ICAM1: variants seen among roughly 807,000 people sequenced by gnomAD.
ICAM1 encodes the protein ICAM-1.
In ICAM1, 28 loss-of-function variants were observed where a neutral mutation model predicts 42.3. That is an observed-to-expected ratio of 0.66 (90% confidence interval 0.49 to 0.91). The LOEUF (loss-of-function observed/expected upper bound fraction) is 0.91, where lower values mean the gene tolerates loss of function less well. Among genes scored for constraint, ICAM1 ranks in the 40% least tolerant of loss-of-function variants. The pLI is 0.00. For synonymous variants in ICAM1, 304 were observed against 305.9 expected, an observed-to-expected ratio of 0.99 and a Z score of 0.07; for missense variants, 637 against 688.6, an observed-to-expected ratio of 0.93 and a Z score of 0.84.
intron 2 of ICAM1, 123 bp from the exon 3 acceptor site, chr19:10,283,358 A>T (rs1404655030): frequency 3.4e-6 from 3 of 890,850 alleles, no homozygotes; most frequent in Non-Finnish European, 5.1e-6. Flanking sequence ...CTATCTGCTT[A>T]GGTGTCTGGG....
In ICAM1 at chr19:10,284,456, G is replaced by T; in HGVS notation, c.979G>T (p.Glu327Ter). Residue 327 changes from glutamate to a stop codon, truncating the protein, a stop_gained, in exon 5 of 7, where the codon GAG (glutamate) becomes TAG (stop). Transcript: ENST00000264832. LOFTEE classifies it high-confidence loss of function. The surrounding 1 kb of genome is among the most constrained non-coding windows in gnomAD (Gnocchi z 5.4). ...GAAGCCAGAGGTCTCAGAAGGGACC[G>T]AGGTGACAGTGAAGTGTGAGGCCCA... The part of the protein sequence containing the change: ...LTKPEVSEGT[E>*]VTVKCEAHPR... The T allele has an allele frequency of 6.2e-7, 1 of 1,613,964 alleles. No homozygotes were observed. Among genetic ancestry groups the T allele is most frequent in the Non-Finnish European group, 8.5e-7 (1 of 1,180,018 alleles).
intron 2 of ICAM1, among the ~76,000 whole-genome samples, chr19:10,279,430 T>G (rs751923704): frequency 3.3e-5 from 5 of 152,128 alleles, no homozygotes; most frequent in South Asian, 2.1e-4. Flanking sequence ...TATTCTCAAC[T>G]ACTCTGGAGG....
intron 2 of ICAM1, among the ~76,000 whole-genome samples, chr19:10,275,931 A>T (rs1285663465): frequency 6.6e-6 from 1 of 151,122 alleles, no homozygotes; most frequent in Non-Finnish European, 1.5e-5. Flanking sequence ...GATGGTCTCA[A>T]TCTCCTGACC....
intron 2 of ICAM1, among the ~76,000 whole-genome samples, chr19:10,278,287 A>G (rs1262274623): frequency 6.6e-6 from 1 of 152,150 alleles, no homozygotes; most frequent in Non-Finnish European, 1.5e-5. Context: ...TGACTTCTGC[A>G]TTTACTTTGC....
intron 2 of ICAM1, among the ~76,000 whole-genome samples, chr19:10,280,868 CTTTTTTTT>C (rs869262659): frequency 4.3e-5 from 3 of 70,094 alleles, no homozygotes; most frequent in African/African-American, 6.0e-5. Context: ...CGTGCCCGGC[CTTTTTTTT>C]TTTTTTTTTT....
Position 10,271,612 on chromosome 19 carries a change from A to G in ICAM1, c.67+386A>G, listed in dbSNP as rs563183255. Among the ~76,000 whole-genome samples, 9 of 152,208 alleles carry G rather than the reference A, an allele frequency of 5.9e-5. No individual in the cohort carries two copies. In the East Asian group the frequency reaches 1.2e-3, roughly 20 times the overall value. Reference sequence around the variant, plus strand: ...TCTCTTACAGTTTCTCAGCTGTAAAACGGGAAACGTTATAGCGGCCACCTG... The same window carrying G: ...TCTCTTACAGTTTCTCAGCTGTAAAGCGGGAAACGTTATAGCGGCCACCTG... On this transcript the variant is annotated intron_variant, in intron 1 of 6. Coordinates refer to ENST00000264832, the MANE Select transcript of ICAM1 (RefSeq NM_000201.3).
intron 2 of ICAM1, among the ~76,000 whole-genome samples, chr19:10,281,058 A>G (rs953884345): frequency 4.6e-5 from 7 of 151,514 alleles, no homozygotes; most frequent in Non-Finnish European, 8.8e-5. Flanking sequence ...TATTTTTAGT[A>G]GAGACGGGGT....
In ICAM1 at chr19:10,271,214, G is replaced by GCT; in HGVS notation, c.58_59dup (p.Phe21CysfsTer27). ...GCCCGCACTCCTGGTCCTGCTCGGG[G>GCT]CTCTGTTCCCAGGTGAGTCGGGGTG... On this transcript the variant is annotated frameshift_variant, in exon 1 of 7. Transcript: ENST00000264832. LOFTEE classifies it high-confidence loss of function. 1 of 1,613,268 alleles carries GCT rather than the reference G, an allele frequency of 6.2e-7. No homozygotes were observed. Among genetic ancestry groups the GCT allele is most frequent in the African/African-American group, 1.3e-5 (1 of 75,052 alleles).
chr19:10,285,181 T>C lies in ICAM1; in HGVS notation c.1493T>C (p.Leu498Pro). The C allele has an allele frequency of 6.2e-7, 1 of 1,614,154 alleles. No individual in the cohort carries two copies. Among genetic ancestry groups the C allele is most frequent in the South Asian group, 1.1e-5 (1 of 91,084 alleles). Reference protein sequence around the residue: ...AAAVIMGTAGLSTYLYNRQRK... With the variant: ...AAAVIMGTAGPSTYLYNRQRK... Reference sequence around the variant, plus strand: ...GCAGTCATAATGGGCACTGCAGGCCTCAGCACGTACCTCTATAACCGCCAG... The same window carrying C: ...GCAGTCATAATGGGCACTGCAGGCCCCAGCACGTACCTCTATAACCGCCAG... The change falls in exon 7 of 7, where the codon CTC becomes CCC. Residue 498 changes from leucine (L) to proline (P), a missense_variant. Leu to Pro is a moderately conservative substitution (Grantham distance 98). Transcript: ENST00000264832.
chr19:10,274,188 C>T (rs1209522056), intron 1 of ICAM1, among the ~76,000 whole-genome samples: 1 of 152,090 alleles, frequency 6.6e-6, no homozygotes, highest in East Asian at 1.9e-4. Flanking sequence ...CCAGCCCTTT[C>T]TCGTCATTTA....
At position 10,284,606 on chromosome 19, in the gene ICAM1, G is replaced by T. The variant is rs766445571; in HGVS notation, c.1129G>T (p.Val377Leu). The T allele has an allele frequency of 2.5e-6, 4 of 1,614,182 alleles. No individual in the cohort carries two copies. The highest frequency in any genetic ancestry group is 3.4e-6 in the Non-Finnish European group (4 of 1,180,038). ...RSFSCSATLE[V>L]AGQLIHKNQT... The stretch of plus-strand genomic sequence containing the variant: ...CTTCTCCTGCTCTGCAACCCTGGAG[G>T]TGGCCGGCCAGCTTATACACAAGAA... The change falls in exon 5 of 7, where the codon GTG (valine) becomes TTG (leucine). Residue 377 changes from valine (V) to leucine (L), a missense_variant. Val to Leu is a conservative substitution (Grantham distance 32). Transcript: ENST00000264832. The surrounding 1 kb of genome is among the most constrained non-coding windows in gnomAD (Gnocchi z 5.4).
At chr19:10,277,645 G>A (rs185286948) in intron 2 of ICAM1, among the ~76,000 whole-genome samples, 13 of 151,728 alleles carry the variant, frequency 8.6e-5, no homozygotes, top group Admixed American at 7.2e-4. Context: ...CCAGCACCAC[G>A]CCCGGCTAAT....
Position 10,284,742 on chromosome 19 carries a change from G to GC in ICAM1, c.1181-36dup. 1 of 1,606,904 alleles carries GC rather than the reference G, an allele frequency of 6.2e-7. No individual in the cohort carries two copies. Among genetic ancestry groups the GC allele is most frequent in the Non-Finnish European group, 8.5e-7 (1 of 1,178,022 alleles). ...CCATAAGGTCTTGCCTCCAAGTCCT[G>GC]CCCCCACCCACCTCCATGTCATCTC... On this transcript the variant is annotated intron_variant, in intron 5 of 6. Transcript: ENST00000264832. The surrounding 1 kb of genome is among the most constrained non-coding windows in gnomAD (Gnocchi z 5.4).
chr19:10,280,705 G>A (rs180767627), intron 2 of ICAM1, among the ~76,000 whole-genome samples: 1 of 152,086 alleles, frequency 6.6e-6, no homozygotes, highest in East Asian at 1.9e-4. Context: ...GAGTAGCTGG[G>A]ATTACAGGCA....
Position 10,284,725 on chromosome 19 carries a change from T to G in ICAM1, c.1181-58T>G, listed in dbSNP as rs1381631686. The G allele has an allele frequency of 1.2e-6, 2 of 1,608,610 alleles. No individual in the cohort carries two copies. The highest frequency in any genetic ancestry group is 1.7e-6 in the Non-Finnish European group (2 of 1,178,468). On this transcript the variant is annotated intron_variant, in intron 5 of 6. Transcript: ENST00000264832. The surrounding 1 kb of genome is among the most constrained non-coding windows in gnomAD (Gnocchi z 5.4). ...CAATCTCCCTGAAGGTCCCATAAGGTCTTGCCTCCAAGTCCTGCCCCCACC... is the reference window on the plus strand; with the variant it reads ...CAATCTCCCTGAAGGTCCCATAAGGGCTTGCCTCCAAGTCCTGCCCCCACC...
intron 2 of ICAM1, 126 bp downstream of exon 2, chr19:10,275,154 G>A: frequency 1.1e-6 from 1 of 923,118 alleles, no homozygotes. Context: ...CTCCTTGCAG[G>A]GCAGGTGGGG....
chr19:10,285,241 A>G lies in ICAM1; in HGVS notation c.1553A>G (p.Gln518Arg). Residue 518 changes from glutamine to arginine, a missense_variant, in exon 7 of 7, where the codon CAA (glutamine) becomes CGA (arginine). Gln to Arg is a conservative substitution (Grantham distance 43, BLOSUM62 1). Coordinates refer to ENST00000264832, the MANE Select transcript of ICAM1 (RefSeq NM_000201.3). ...AAGAAATACAGACTACAACAGGCCC[A>G]AAAAGGGACCCCCATGAAACCGAAC... is the stretch of plus-strand genomic sequence containing the variant. ...KIKKYRLQQA[Q>R]KGTPMKPNTQ... The G allele has an allele frequency of 6.2e-7, 1 of 1,614,134 alleles. No individual in the cohort carries two copies. The highest frequency in any genetic ancestry group is 2.2e-5 in the East Asian group (1 of 44,886).
rs1190133588 is a variant in ICAM1, at chr19:10,271,377, C to G, written c.67+151C>G. The G allele has an allele frequency of 4.6e-6, 3 of 646,370 alleles. No individual in the cohort carries two copies. The East Asian group carries it at 8.5e-5, about 18-fold the overall frequency. 40.0% of individuals were successfully genotyped at this position (646,370 alleles called of 1,614,324 possible). A position where few individuals can be genotyped will look rare whatever the true frequency, so the allele number is the denominator to read the frequency against. ...AAGGCAACAGCCAGTAGGTTCGAAT[C>G]CAGACCCTGCATACCTCCACGTGTG... On this transcript the variant is annotated intron_variant, in intron 1 of 6. Transcript: ENST00000264832.
intron 2 of ICAM1, among the ~76,000 whole-genome samples, chr19:10,281,721 C>CTTTTTTTTTTTTTTTTTTTT (rs33958632): frequency 9.4e-6 from 1 of 106,144 alleles, no homozygotes; most frequent in Non-Finnish European, 1.9e-5. Context: ...GGTCCTGATG[C>CTTTTTTTTTTTTTTTTTTTT]TTTTTTTTTT....
Sources: gnomAD v4.1 joint callset for allele counts (sites outside exome capture counted in the v4.1 genomes callset) on GRCh38, gnomAD v4.1.1 for gene constraint, Gnocchi (gnomAD v3.1) non-coding constraint, MANE v1.5 for transcripts, NCBI Gene and HGNC (gene_info 2026-07-23, HGNC 2026-07-21) for gene names.